FKBP5: variants seen among roughly 807,000 people sequenced by gnomAD.
FKBP5 encodes the protein peptidyl-prolyl cis-trans isomerase FKBP5.
A neutral mutation model predicts 50.5 loss-of-function variants in FKBP5; 23 were observed. The observed-to-expected ratio is 0.46, with a 90% CI of 0.33 to 0.65. The LOEUF (loss-of-function observed/expected upper bound fraction) is 0.65. FKBP5 is among the 30% of genes least tolerant of loss of function. The probability of loss-of-function intolerance (pLI) is 0.02; values close to 1 mark genes in which losing one functional copy is unlikely to be tolerated. For synonymous variants in FKBP5, 176 were observed against 190.6 expected, an observed-to-expected ratio of 0.92 and a Z score of 0.63; for missense variants, 411 against 553.1, an observed-to-expected ratio of 0.74 and a Z score of 2.58.
intron 2 of FKBP5, among the ~76,000 whole-genome samples, chr6:35,696,847 G>A (rs752386194): frequency 7.9e-5 from 12 of 152,136 alleles, no homozygotes; most frequent in Non-Finnish European, 1.5e-4. Flanking sequence ...TACTGGAAAA[G>A]GATAGACTTA....
At chr6:35,698,202 C>CCTCTCTATTAAAAATACAAAATTA (rs1766116497) in intron 2 of FKBP5, among the ~76,000 whole-genome samples, 1 of 152,062 alleles carries the variant, frequency 6.6e-6, no homozygotes, top group Non-Finnish European at 1.5e-5. Flanking sequence ...ATTAGCCAGG[C>CCTCTCTATTAAAAATACAAAATTA]GTGGTGCCGC....
intron 1 of FKBP5, among the ~76,000 whole-genome samples, chr6:35,652,184 T>A (rs902510645): frequency 1.3e-5 from 2 of 152,380 alleles, no homozygotes; most frequent in African/African-American, 4.8e-5. Flanking sequence ...CTTAATCCTG[T>A]CAGCCGAGAA....
intron 8 of FKBP5, chr6:35,581,950 A>C (rs1405392275): frequency 2.0e-6 from 2 of 985,362 alleles, no homozygotes; most frequent in African/African-American, 1.7e-5. Context: ...TGAGTAAGAG[A>C]AAAACCATAG....
intron 5 of FKBP5, among the ~76,000 whole-genome samples, chr6:35,602,016 A>G (rs1763161272): frequency 6.6e-6 from 1 of 152,090 alleles, no homozygotes; most frequent in Non-Finnish European, 1.5e-5. Context: ...GCAAAACATC[A>G]CTTAAACTGG....
At chr6:35,576,861 G>T in intron 10 of FKBP5, 133 bp downstream of exon 10, 1 of 1,119,212 alleles carries the variant, frequency 8.9e-7, no homozygotes. Flanking sequence ...ATCCAAAGCA[G>T]CCTCAGATTA....
intron 2 of FKBP5, among the ~76,000 whole-genome samples, chr6:35,709,969 A>G (rs1275376371): frequency 1.3e-5 from 2 of 152,124 alleles, no homozygotes; most frequent in Non-Finnish European, 2.9e-5. Flanking sequence ...TGAGAATTCC[A>G]TTAGAGAGGG....
intron 5 of FKBP5, among the ~76,000 whole-genome samples, chr6:35,602,162 A>G (rs113292576): frequency 2.4e-5 from 3 of 123,158 alleles, no homozygotes; most frequent in Admixed American, 8.6e-5. Context: ...AATAGGGGGG[A>G]AAAAAGGAAA....
Position 35,655,963 on chromosome 6 carries a change from A to AT in FKBP5, c.-19-13121_-19-13120insA, listed in dbSNP as rs1292939611. 5.3e-5 allele frequency among the ~76,000 whole-genome samples: 8 copies of AT among 152,348 alleles called. No individual in the cohort carries two copies. The South Asian group carries it at 1.2e-3, about 24-fold the overall frequency. On this transcript the variant is annotated intron_variant, in intron 1 of 10. Coordinates refer to ENST00000357266, the MANE Select transcript of FKBP5 (RefSeq NM_004117.4). ...GGTTTAAATATGGACAGTCAAGAAC[A>AT]AAGGACCACACCTAGCTGCCAATAT...
At chr6:35,726,581 C>G (rs972383870) in intron 1 of FKBP5, among the ~76,000 whole-genome samples, 1 of 130,716 alleles carries the variant, frequency 7.7e-6, no homozygotes, top group African/African-American at 2.9e-5. Flanking sequence ...CACACACACA[C>G]AGCTCAAGGC....
intron 1 of FKBP5, among the ~76,000 whole-genome samples, chr6:35,678,722 T>C (rs1265377517): frequency 6.6e-6 from 1 of 151,992 alleles, no homozygotes; most frequent in Non-Finnish European, 1.5e-5. Flanking sequence ...GGGAAAAAAC[T>C]CAGAAAAAAA....
chr6:35,595,466 G>T (rs1412420575), intron 6 of FKBP5, among the ~76,000 whole-genome samples: 1 of 152,176 alleles, frequency 6.6e-6, no homozygotes. Flanking sequence ...ATCAGAGATG[G>T]CCTGGCGCAG....
chr6:35,613,496 G>A (rs1011911746), intron 5 of FKBP5, among the ~76,000 whole-genome samples: 27 of 152,286 alleles, frequency 1.8e-4, no homozygotes, highest in African/African-American at 4.8e-4. Flanking sequence ...GATTACAGGC[G>A]TGAGCCACCG....
chr6:35,597,771 T>A (rs1763019986), intron 5 of FKBP5, among the ~76,000 whole-genome samples: 1 of 152,190 alleles, frequency 6.6e-6, no homozygotes. Context: ...AAATTTAATA[T>A]CAAATATATA....
rs761955949 is a variant in FKBP5 at position 35,620,153 on chromosome 6, C to A, written c.372G>T (p.Ser124=). 6.2e-6 allele frequency: 10 copies of A among 1,614,016 alleles called. No homozygotes were observed. In the Admixed American group the frequency reaches 8.3e-5, roughly 13 times the overall value. The stretch of plus-strand genomic sequence containing the variant: ...TTGCCTCAAAAAAGAGAGTTGCATT[C>A]GAGGGAATTTTAGGGAGACTGCCAG... ...GSAGSLPKIP[S]NATLFFEIEL... Residue 124 remains serine (S), a synonymous_variant, in exon 4 of 11, where the codon TCG becomes TCT. Transcript: ENST00000357266.
chr6:35,653,121 C>T (rs564618304), intron 1 of FKBP5, among the ~76,000 whole-genome samples: 1 of 152,224 alleles, frequency 6.6e-6, no homozygotes, highest in South Asian at 2.1e-4. Context: ...CACACCGAGG[C>T]GGGAGTATTG....
At chr6:35,711,373 T>C (rs890477516) in intron 2 of FKBP5, among the ~76,000 whole-genome samples, 3 of 149,214 alleles carry the variant, frequency 2.0e-5, no homozygotes, top group Non-Finnish European at 4.4e-5. Context: ...ATCCTAACAG[T>C]TTGGGAGGCC....
intron 1 of FKBP5, among the ~76,000 whole-genome samples, chr6:35,652,747 A>G (rs1764842981): frequency 6.6e-6 from 1 of 151,986 alleles, no homozygotes; most frequent in South Asian, 2.1e-4. Context: ...GCTTTGTGAT[A>G]TTCTATTACC....
intron 1 of FKBP5, among the ~76,000 whole-genome samples, chr6:35,686,647 C>A (rs1296476343): frequency 1.3e-5 from 2 of 152,164 alleles, no homozygotes; most frequent in East Asian, 3.8e-4. Flanking sequence ...GCCAACTTAG[C>A]TTTTAACAGC....
Position 35,587,050 on chromosome 6 carries a change from C to T in FKBP5, c.824G>A (p.Gly275Glu), listed in dbSNP as rs1762623059. ...LEQAAIVKEKGTVYFKGGKYM... is the reference protein window; with the variant it reads ...LEQAAIVKEKETVYFKGGKYM... ...CTCACACACCTTGAAGTATACGGTT[C>T]CCTTCTCTTTGACAATGGCAGCCTG... The change falls in exon 8 of 11, where the codon GGA (glycine) becomes GAA (glutamate). Residue 275 changes from glycine (G) to glutamate (E), a missense_variant. By Grantham distance (98) the Gly-to-Glu change is moderately conservative. This residue lies in a region of FKBP5 where 267 missense variants were observed against 405.9 expected (regional missense o/e 0.66). Transcript: ENST00000357266. 1 of 1,613,806 alleles carries T rather than the reference C, an allele frequency of 6.2e-7. No homozygotes were observed. The highest frequency in any genetic ancestry group is 1.3e-5 in the African/African-American group (1 of 74,892).
Sources: gnomAD v4.1 joint callset for allele counts (sites outside exome capture counted in the v4.1 genomes callset) on GRCh38, gnomAD v4.1.1 for gene constraint, gnomAD v4.1.1 regional missense constraint, MANE v1.5 for transcripts, NCBI Gene and HGNC (gene_info 2026-07-23, HGNC 2026-07-21) for gene names.